SMYD2: variants seen among roughly 807,000 people sequenced by gnomAD.
SMYD2 encodes N-lysine methyltransferase SMYD2.
In SMYD2, 53 loss-of-function variants were observed where a neutral mutation model predicts 59.1. The ratio of observed to expected loss-of-function variants is 0.90; its 90% CI spans 0.72 to 1.13. The LOEUF is 1.13. SMYD2 is among the 50% of genes most tolerant of loss of function. The probability of loss-of-function intolerance (pLI) is 0.00; values close to 1 mark genes in which losing one functional copy is unlikely to be tolerated. For synonymous variants in SMYD2, 208 were observed against 198.8 expected, an observed-to-expected ratio of 1.05 and a Z score of -0.39; for missense variants, 494 against 544.7, an observed-to-expected ratio of 0.91 and a Z score of 0.93.
chr1:214,287,029 A>G (rs1476993422), intron 1 of SMYD2, among the ~76,000 whole-genome samples: 3 of 151,784 alleles, frequency 2.0e-5, no homozygotes, highest in Admixed American at 2.0e-4. Flanking sequence ...GTGTTTCACC[A>G]TGTTGGCCAG....
intron 10 of SMYD2, chr1:214,332,733 C>T (rs1657375572): frequency 6.5e-6 from 1 of 152,872 alleles, no homozygotes; most frequent in South Asian, 2.1e-4. Context: ...AATATTAGCC[C>T]TGGAGAGATT....
At chr1:214,293,103 A>C (rs12073421) in intron 1 of SMYD2, among the ~76,000 whole-genome samples, 51,092 of 150,660 alleles carry the variant, frequency 0.34, 9,396 homozygotes, top group African/African-American at 0.47. Context: ...CCCAGGCTGG[A>C]GTGCAATAGC....
At position 214,281,234 on chromosome 1, in the gene SMYD2, C is replaced by G. The variant is rs1656434613; in HGVS notation, c.-21C>G. The G allele has an allele frequency of 1.6e-6, 2 of 1,229,126 alleles. No homozygotes were observed. Among genetic ancestry groups the G allele is most frequent in the Admixed American group, 4.3e-5 (1 of 23,164 alleles). The allele number at this position is 1,229,126 out of a possible 1,614,324, so 76.1% of individuals were successfully genotyped here. A position where few individuals can be genotyped will look rare whatever the true frequency, so the allele number is the denominator to read the frequency against. ...GGAGCCGCAGCTCGGGCACAGCCGG[C>G]GGCCGCGCCCCGCCGCCACCATGAG... On this transcript the variant is annotated 5_prime_UTR_variant, in exon 1 of 12. Transcript: ENST00000366957.
At chr1:214,336,641 C>A in intron 11 of SMYD2, 63 bp from the exon 12 acceptor site, 2 of 1,488,626 alleles carry the variant, frequency 1.3e-6, no homozygotes, top group South Asian at 1.2e-5. Context: ...TTAAAGTTAC[C>A]CTGGGTGGAG....
At position 214,281,280 on chromosome 1, in the gene SMYD2, T is replaced by A; in HGVS notation, c.26T>A (p.Leu9Gln). MRAEGLGG[L>Q]ERFCSPGKGR... ...ATGAGGGCCGAGGGCCTCGGCGGCC[T>A]GGAGCGCTTCTGCAGCCCGGGCAAA... is the stretch of plus-strand genomic sequence containing the variant. The change falls in exon 1 of 12, where the codon CTG becomes CAG. Residue 9 changes from leucine to glutamine, a missense_variant. Transcript: ENST00000366957. 7.6e-7 allele frequency: 1 copy of A among 1,314,464 alleles called. No individual in the cohort carries two copies. The highest frequency in any genetic ancestry group is 9.8e-7 in the Non-Finnish European group (1 of 1,024,298). The allele number at this position is 1,314,464 out of a possible 1,614,324, so 81.4% of individuals were successfully genotyped here.
At position 214,312,057 on chromosome 1, in the gene SMYD2, C is replaced by T. The variant is rs1377991864; in HGVS notation, c.238-2705C>T. Among the ~76,000 whole-genome samples the T allele has an allele frequency of 6.6e-6, 1 of 152,234 alleles. No individual in the cohort carries two copies. The highest frequency in any genetic ancestry group is 1.5e-5 in the Non-Finnish European group (1 of 68,042). ...CCCACCTGTTCCCACCTCTTCGCCTCATCACCATGCTCTCATTTTAGGCTT... is the reference window on the plus strand; with the variant it reads ...CCCACCTGTTCCCACCTCTTCGCCTTATCACCATGCTCTCATTTTAGGCTT... On this transcript the variant is annotated intron_variant, in intron 2 of 11. Transcript: ENST00000366957. This position sits in a 1 kb window ranked among gnomAD's most constrained non-coding sequence, Gnocchi z 4.1.
intron 11 of SMYD2, among the ~76,000 whole-genome samples, chr1:214,334,766 G>A (rs1385660410): frequency 1.3e-5 from 2 of 152,228 alleles, no homozygotes; most frequent in African/African-American, 4.8e-5. Flanking sequence ...ACCCTCGTGT[G>A]CTTTTCCTTT....
At chr1:214,304,069 T>C (rs1426317572) in intron 1 of SMYD2, among the ~76,000 whole-genome samples, 2 of 152,238 alleles carry the variant, frequency 1.3e-5, no homozygotes, top group East Asian at 3.8e-4. Flanking sequence ...CTTTGGTTCA[T>C]CTCACACAAT....
In SMYD2 at chr1:214,336,867, C is replaced by G. The variant is rs1003989661; in HGVS notation, c.*83C>G. The G allele has an allele frequency of 6.1e-6, 7 of 1,145,918 alleles. No individual in the cohort carries two copies. The highest frequency in any genetic ancestry group is 8.8e-6 in the Non-Finnish European group (7 of 799,800). The allele number at this position is 1,145,918 out of a possible 1,614,324, so 71.0% of individuals were successfully genotyped here. On this transcript the variant is annotated 3_prime_UTR_variant, in exon 12 of 12. Transcript: ENST00000366957. The stretch of plus-strand genomic sequence containing the variant: ...TGAATATTTCAAATTGCACACGTCA[C>G]TCCAGCATCTCTGTAAAATAATTGG...
At chr1:214,293,007 CTGTTTGTGTGTGTGTGTGTGTG>C (rs1656660845) in intron 1 of SMYD2, among the ~76,000 whole-genome samples, 1 of 136,898 alleles carries the variant, frequency 7.3e-6, no homozygotes, top group African/African-American at 2.7e-5. Context: ...TTATCTTTTT[CTGTTTGTGTGTGTGTGTGTGTG>C]TGTGTGTGTG....
rs900074340 is a variant in SMYD2 at position 214,318,752 on chromosome 1, T to C, written c.410-107T>C. 4.4e-6 allele frequency: 6 copies of C among 1,356,950 alleles called. No homozygotes were observed. The African/African-American group carries it at 8.9e-5, about 20-fold the overall frequency. The allele number at this position is 1,356,950 out of a possible 1,614,324, so 84.1% of individuals were successfully genotyped here. ...GGTTCAACATGTTAGTTTTGGGTTT[T>C]TTTTTTTTCGCCCGTTCCTTTCCTC... is the stretch of plus-strand genomic sequence containing the variant. On this transcript the variant is annotated intron_variant, in intron 4 of 11. Transcript: ENST00000366957. The surrounding 1 kb of genome is among the most constrained non-coding windows in gnomAD (Gnocchi z 5.4).
chr1:214,284,019 A>C (rs1656490605), intron 1 of SMYD2, among the ~76,000 whole-genome samples: 1 of 152,180 alleles, frequency 6.6e-6, no homozygotes, highest in African/African-American at 2.4e-5. Flanking sequence ...CAATTCAGAC[A>C]AAGGTTTGCT....
intron 1 of SMYD2, among the ~76,000 whole-genome samples, chr1:214,285,986 A>G (rs1257586637): frequency 6.6e-6 from 1 of 152,228 alleles, no homozygotes; most frequent in Admixed American, 6.5e-5. Flanking sequence ...TCACAGTCTT[A>G]TGACCACCTT....
At chr1:214,331,676 G>A (rs1308854108) in intron 9 of SMYD2, 1 of 226,326 alleles carries the variant, frequency 4.4e-6, no homozygotes, top group East Asian at 1.0e-4. Context: ...CTCAGCATAA[G>A]AAAGAACTTT....
At chr1:214,290,474 A>AT (rs1656618222) in intron 1 of SMYD2, among the ~76,000 whole-genome samples, 1 of 152,354 alleles carries the variant, frequency 6.6e-6, no homozygotes, top group East Asian at 1.9e-4. Flanking sequence ...CTGAGAATTC[A>AT]TAAGTGCTTA....
intron 11 of SMYD2, among the ~76,000 whole-genome samples, chr1:214,336,501 C>T (rs531424257): frequency 6.6e-6 from 1 of 152,334 alleles, no homozygotes; most frequent in South Asian, 2.1e-4. Flanking sequence ...CACTGCACTC[C>T]AGCCTGGGCG....
chr1:214,295,170 G>C (rs898342540), intron 1 of SMYD2, among the ~76,000 whole-genome samples: 3 of 152,188 alleles, frequency 2.0e-5, no homozygotes, highest in Admixed American at 6.5e-5. Flanking sequence ...GCAAGGAAGT[G>C]TTACTCTGAC....
intron 1 of SMYD2, among the ~76,000 whole-genome samples, chr1:214,304,580 A>AAAAAAAAAAC (rs1284865678): frequency 4.6e-5 from 7 of 151,514 alleles, no homozygotes; most frequent in Non-Finnish European, 7.4e-5. Context: ...AAAAAAAAAA[A>AAAAAAAAAAC]AAGCATCTAT....
chr1:214,330,125 TTACCTGTAGCAGAC>T, intron 7 of SMYD2, 29 bp from the exon 8 acceptor site: 3 of 1,351,284 alleles, frequency 2.2e-6, no homozygotes, highest in Non-Finnish European at 3.1e-6. Context: ...AGGATTGAGT[TTACCTGTAGCAGAC>T]TGAAGCTTTA....
Sources: gnomAD v4.1 joint callset for allele counts (sites outside exome capture counted in the v4.1 genomes callset) on GRCh38, gnomAD v4.1.1 for gene constraint, Gnocchi (gnomAD v3.1) non-coding constraint, MANE v1.5 for transcripts, NCBI Gene and HGNC (gene_info 2026-07-23, HGNC 2026-07-21) for gene names.